KCNQ1OT1: variants seen among roughly 807,000 people sequenced by gnomAD.
KCNQ1OT1 encodes KCNQ1 opposite strand/antisense transcript 1.
chr11:2,625,983 C>T, exon 1 of KCNQ1OT1: 1 of 398,610 alleles, frequency 2.5e-6, no homozygotes, highest in Non-Finnish European at 4.4e-6. Context: ...TTCTCCCATT[C>T]TGTAGGTTGT....
At position 2,682,875 on chromosome 11, in the gene KCNQ1OT1, G is replaced by C. The variant is rs1210128097; in HGVS notation, n.17120C>G. 2.5e-6 allele frequency: 1 copy of C among 398,500 alleles called. No homozygotes were observed. The highest frequency in any genetic ancestry group is 3.6e-5 in the East Asian group (1 of 28,082). The allele number at this position is 398,500 out of a possible 1,614,324, so 24.7% of individuals were successfully genotyped here. On this transcript the variant is annotated non_coding_transcript_exon_variant, in exon 1 of 1. Coordinates refer to ENST00000597346, the Ensembl canonical transcript of KCNQ1OT1. The surrounding 1 kb of genome is among the most constrained non-coding windows in gnomAD (Gnocchi z 5.8). ...TTTGTAGACCAGGAAACTGAGGCTT[G>C]GGGATAGCAGATGTTCCCAGACAGA...
In KCNQ1OT1 at chr11:2,642,284, C is replaced by A. The variant is rs980926081; in HGVS notation, n.57711G>T. The A allele has an allele frequency of 1.2e-4, 48 of 398,152 alleles. No individual in the cohort carries two copies. The Admixed American group carries it at 2.1e-3, about 17-fold the overall frequency. 24.7% of individuals were successfully genotyped at this position (398,152 alleles called of 1,614,324 possible). A position where few individuals can be genotyped will look rare whatever the true frequency, so the allele number is the denominator to read the frequency against. ...GTTTTTTGTGTGTTCTTTTCAATTTCTTTCATCAGACTTTTGTAGTTTTCC... is the reference window on the plus strand; with the variant it reads ...GTTTTTTGTGTGTTCTTTTCAATTTATTTCATCAGACTTTTGTAGTTTTCC... On this transcript the variant is annotated non_coding_transcript_exon_variant, in exon 1 of 1. Transcript: ENST00000597346. This position sits in a 1 kb window ranked among gnomAD's most constrained non-coding sequence, Gnocchi z 4.3.
At chr11:2,622,437 T>C (rs1849189983) in exon 1 of KCNQ1OT1, 3 of 398,306 alleles carry the variant, frequency 7.5e-6, no homozygotes, top group Admixed American at 4.4e-5. Flanking sequence ...TACTTGTGTC[T>C]TTAGACCAAA....
At position 2,674,831 on chromosome 11, in the gene KCNQ1OT1, TTAAAAAAAA is replaced by T. The variant is rs1850263226; in HGVS notation, n.25155_25163del. The stretch of plus-strand genomic sequence containing the variant: ...GGCTTGTCACCCTAATAGCTGTTTT[TTAAAAAAAA>T]AAAAAAAAAAAAAAAAAAAAGCTCA... On this transcript the variant is annotated non_coding_transcript_exon_variant, in exon 1 of 1. Coordinates refer to ENST00000597346, the Ensembl canonical transcript of KCNQ1OT1. The surrounding 1 kb of genome is among the most constrained non-coding windows in gnomAD (Gnocchi z 5.9). 12 of 368,048 alleles carry T rather than the reference TTAAAAAAAA, an allele frequency of 3.3e-5. No homozygotes were observed. The highest frequency in any genetic ancestry group is 2.1e-4 in the African/African-American group (8 of 38,700). 22.8% of individuals were successfully genotyped at this position (368,048 alleles called of 1,614,324 possible).
Position 2,657,594 on chromosome 11 carries a change from C to T in KCNQ1OT1, n.42401G>A, listed in dbSNP as rs1350170823. ...TCTTATATAACCATGGTACATTGACCAAAACTAAAAAATTAACATTGGTAC... is the reference window on the plus strand; with the variant it reads ...TCTTATATAACCATGGTACATTGACTAAAACTAAAAAATTAACATTGGTAC... On this transcript the variant is annotated non_coding_transcript_exon_variant, in exon 1 of 1. Transcript: ENST00000597346. The surrounding 1 kb of genome is among the most constrained non-coding windows in gnomAD (Gnocchi z 4.8). The T allele has an allele frequency of 5.0e-6, 2 of 398,506 alleles. No homozygotes were observed. The highest frequency in any genetic ancestry group is 1.3e-3 in the Middle Eastern group (2 of 1,588). The allele number at this position is 398,506 out of a possible 1,614,324, so 24.7% of individuals were successfully genotyped here. A position where few individuals can be genotyped will look rare whatever the true frequency, so the allele number is the denominator to read the frequency against.
chr11:2,684,938 TTA>T, exon 1 of KCNQ1OT1: 2 of 398,668 alleles, frequency 5.0e-6, no homozygotes, highest in Non-Finnish European at 8.8e-6. Context: ...ATGCAGCATG[TTA>T]TCTTTGTACC....
chr11:2,665,196 C>A, exon 1 of KCNQ1OT1: 1 of 398,700 alleles, frequency 2.5e-6, no homozygotes, highest in Non-Finnish European at 4.4e-6. Context: ...TCGAACACAC[C>A]TTTCAGGCAG....
At position 2,676,992 on chromosome 11, in the gene KCNQ1OT1, G is replaced by C. The variant is rs1850305245; in HGVS notation, n.23003C>G. ...TCTCCTTTTCATTAACAGCTGCAGA[G>C]TTTCATTGTGCCATGATTTATGGAA... On this transcript the variant is annotated non_coding_transcript_exon_variant, in exon 1 of 1. Transcript: ENST00000597346. The surrounding 1 kb of genome is among the most constrained non-coding windows in gnomAD (Gnocchi z 4.2). The C allele has an allele frequency of 2.5e-6, 1 of 398,510 alleles. No individual in the cohort carries two copies. The highest frequency in any genetic ancestry group is 4.4e-5 in the Admixed American group (1 of 22,720). The allele number at this position is 398,510 out of a possible 1,614,324, so 24.7% of individuals were successfully genotyped here.
chr11:2,660,918 G>A (rs1159089638), exon 1 of KCNQ1OT1: 3 of 398,504 alleles, frequency 7.5e-6, no homozygotes, highest in South Asian at 2.5e-4. Context: ...AAAACTATAA[G>A]AGCCTGAATG....
chr11:2,694,850 A>G (rs1434411236), exon 1 of KCNQ1OT1: 5 of 398,568 alleles, frequency 1.3e-5, no homozygotes, highest in African/African-American at 1.0e-4. Flanking sequence ...GGTCAGAGCA[A>G]AATTTCCTGT....
chr11:2,678,434 C>G lies in KCNQ1OT1; in HGVS notation n.21561G>C. Reference sequence around the variant, plus strand: ...AACACTATTTATTTGAGTACATCATCATCTCTCTACTAATTTCAACTGCTA... The same window carrying G: ...AACACTATTTATTTGAGTACATCATGATCTCTCTACTAATTTCAACTGCTA... On this transcript the variant is annotated non_coding_transcript_exon_variant, in exon 1 of 1. Transcript: ENST00000597346. The surrounding 1 kb of genome is among the most constrained non-coding windows in gnomAD (Gnocchi z 4.9). 2.5e-6 allele frequency: 1 copy of G among 398,570 alleles called. No individual in the cohort carries two copies. Among genetic ancestry groups the G allele is most frequent in the Admixed American group, 4.4e-5 (1 of 22,734 alleles). The allele number at this position is 398,570 out of a possible 1,614,324, so 24.7% of individuals were successfully genotyped here.
chr11:2,687,514 C>T lies in KCNQ1OT1; in HGVS notation n.12481G>A, dbSNP rs1236772964. 3 of 398,600 alleles carry T rather than the reference C, an allele frequency of 7.5e-6. No homozygotes were observed. Among genetic ancestry groups the T allele is most frequent in the Non-Finnish European group, 1.3e-5 (3 of 226,184 alleles). 24.7% of individuals were successfully genotyped at this position (398,600 alleles called of 1,614,324 possible). ...CAGGCACCCTAGGACTTGAGACCAG[C>T]CTCCTCTGTATGGTCCCTTCCCTGG... On this transcript the variant is annotated non_coding_transcript_exon_variant, in exon 1 of 1. Coordinates refer to ENST00000597346, the Ensembl canonical transcript of KCNQ1OT1. This position sits in a 1 kb window ranked among gnomAD's most constrained non-coding sequence, Gnocchi z 5.0.
At chr11:2,619,737 C>A in exon 1 of KCNQ1OT1, 1 of 397,466 alleles carries the variant, frequency 2.5e-6, no homozygotes, top group Admixed American at 4.4e-5. Context: ...GAAGTATTCC[C>A]TATAGCTGCA....
chr11:2,649,217 T>G (rs1403081970), exon 1 of KCNQ1OT1: 1 of 398,292 alleles, frequency 2.5e-6, no homozygotes, highest in Non-Finnish European at 4.4e-6. Flanking sequence ...CATTCAAGAT[T>G]GTTATCAATA....
At position 2,679,548 on chromosome 11, in the gene KCNQ1OT1, T is replaced by C. The variant is rs922394337; in HGVS notation, n.20447A>G. ...TACCTCATGATGGCCATTCCATCCATTGTAATCATGTGTACCATGCAATTC... is the reference window on the plus strand; with the variant it reads ...TACCTCATGATGGCCATTCCATCCACTGTAATCATGTGTACCATGCAATTC... On this transcript the variant is annotated non_coding_transcript_exon_variant, in exon 1 of 1. Transcript: ENST00000597346. This position sits in a 1 kb window ranked among gnomAD's most constrained non-coding sequence, Gnocchi z 4.8. 1.3e-5 allele frequency: 5 copies of C among 398,522 alleles called. No individual in the cohort carries two copies. The highest frequency in any genetic ancestry group is 1.0e-4 in the African/African-American group (5 of 48,630). The allele number at this position is 398,522 out of a possible 1,614,324, so 24.7% of individuals were successfully genotyped here.
At chr11:2,609,762 A>T (rs4930138) in exon 1 of KCNQ1OT1, 72,566 of 398,048 alleles carry the variant, frequency 0.18, 6,885 homozygotes, top group South Asian at 0.26. Context: ...ACATTTTATC[A>T]TTATGAGATA....
chr11:2,633,361 A>G, exon 1 of KCNQ1OT1: 1 of 398,350 alleles, frequency 2.5e-6, no homozygotes, highest in East Asian at 3.6e-5. Context: ...TTTTATGTGT[A>G]GGTTTTTAGT....
rs1849231186 is a variant in KCNQ1OT1 at position 2,624,517 on chromosome 11, CTATGT to C, written n.75473_75477del. On this transcript the variant is annotated non_coding_transcript_exon_variant, in exon 1 of 1. Coordinates refer to ENST00000597346, the Ensembl canonical transcript of KCNQ1OT1. The surrounding 1 kb of genome is among the most constrained non-coding windows in gnomAD (Gnocchi z 4.9). ...AACTAAAGATCATCTAGATTTCTTC[CTATGT>C]TATCTTCTGGGATTTCTATTTGTTG... is the stretch of plus-strand genomic sequence containing the variant. 2.5e-6 allele frequency: 1 copy of C among 398,302 alleles called. No individual in the cohort carries two copies. The highest frequency in any genetic ancestry group is 2.1e-5 in the African/African-American group (1 of 48,600). 24.7% of individuals were successfully genotyped at this position (398,302 alleles called of 1,614,324 possible). A position where few individuals can be genotyped will look rare whatever the true frequency, so the allele number is the denominator to read the frequency against.
exon 1 of KCNQ1OT1, chr11:2,681,349 G>A (rs1047259976): frequency 5.0e-6 from 2 of 398,254 alleles, no homozygotes; most frequent in Non-Finnish European, 8.8e-6. Flanking sequence ...TTTCCTTGTA[G>A]CTCCCTGCTC....
Sources: gnomAD v4.1 joint callset for allele counts on GRCh38, gnomAD v4.1.1 for gene constraint, Gnocchi (gnomAD v3.1) non-coding constraint, MANE v1.5 for transcripts, NCBI Gene and HGNC (gene_info 2026-07-23, HGNC 2026-07-21) for gene names.